ADAMTS17: variants seen among roughly 807,000 people sequenced by gnomAD.
The protein encoded by ADAMTS17 is ADAM metallopeptidase with thrombospondin type 1 motif 17, also known as A disintegrin and metalloproteinase with thrombospondin motifs 17.
In ADAMTS17, 113 loss-of-function variants were observed where a neutral mutation model predicts 141.5. The ratio of observed to expected loss-of-function variants is 0.80; its 90% CI spans 0.69 to 0.93. The LOEUF (loss-of-function observed/expected upper bound fraction) is 0.93. ADAMTS17 is among the 40% of genes least tolerant of loss of function. The pLI, the probability that ADAMTS17 is intolerant of heterozygous loss-of-function variation, is 0.00. For synonymous variants in ADAMTS17, 768 were observed against 630.6 expected, an observed-to-expected ratio of 1.22 and a Z score of -3.27; for missense variants, 1,659 against 1,517.9, an observed-to-expected ratio of 1.09 and a Z score of -1.54.
intron 7 of ADAMTS17, among the ~76,000 whole-genome samples, chr15:100,206,980 T>C (rs1369473650): frequency 6.6e-6 from 1 of 152,192 alleles, no homozygotes; most frequent in Non-Finnish European, 1.5e-5. Context: ...GAGTAGGGGC[T>C]GGTAAGAGCA....
intron 7 of ADAMTS17, among the ~76,000 whole-genome samples, chr15:100,216,674 C>G (rs1400817047): frequency 6.6e-6 from 1 of 152,220 alleles, no homozygotes; most frequent in Non-Finnish European, 1.5e-5. Flanking sequence ...CTGACACAGT[C>G]TGCTGTCTAC....
intron 15 of ADAMTS17, among the ~76,000 whole-genome samples, chr15:100,073,524 T>C (rs533050990): frequency 0.04 from 6,056 of 151,480 alleles, 412 homozygotes; most frequent in African/African-American, 0.14. Context: ...AAATGTCCAA[T>C]AATGATAGAC....
At chr15:100,009,435 CAGA>C in intron 18 of ADAMTS17, among the ~76,000 whole-genome samples, 1 of 152,298 alleles carries the variant, frequency 6.6e-6, no homozygotes, top group South Asian at 2.1e-4. Context: ...CTCAAATTCT[CAGA>C]AGGACCTGGA....
At chr15:100,166,058 T>C (rs2039939710) in intron 8 of ADAMTS17, among the ~76,000 whole-genome samples, 1 of 152,244 alleles carries the variant, frequency 6.6e-6, no homozygotes, top group Non-Finnish European at 1.5e-5. Context: ...CTTGCCATCT[T>C]AGGACATAGG....
intron 10 of ADAMTS17, among the ~76,000 whole-genome samples, chr15:100,139,074 G>T (rs2038488882): frequency 6.6e-6 from 1 of 152,086 alleles, no homozygotes; most frequent in Non-Finnish European, 1.5e-5. Flanking sequence ...CAAAGACTGG[G>T]CATTAAAAAG....
intron 7 of ADAMTS17, among the ~76,000 whole-genome samples, chr15:100,214,389 A>C (rs948838968): frequency 2.0e-5 from 3 of 152,218 alleles, no homozygotes; most frequent in African/African-American, 7.2e-5. Flanking sequence ...TTGTATTATA[A>C]CATTAATATT....
intron 8 of ADAMTS17, among the ~76,000 whole-genome samples, chr15:100,166,976 T>C (rs2039974454): frequency 6.6e-6 from 1 of 152,254 alleles, no homozygotes; most frequent in Non-Finnish European, 1.5e-5. Flanking sequence ...AGGCCAGTGC[T>C]GTTCAATAAA....
chr15:100,098,247 G>A (rs572860766), intron 14 of ADAMTS17, among the ~76,000 whole-genome samples: 19 of 152,058 alleles, frequency 1.2e-4, no homozygotes, highest in African/African-American at 4.6e-4. Flanking sequence ...GTGACCTGGA[G>A]GGAAGCCAGC....
At chr15:100,271,237 C>A (rs1463563178) in intron 4 of ADAMTS17, among the ~76,000 whole-genome samples, 3 of 152,168 alleles carry the variant, frequency 2.0e-5, no homozygotes, top group African/African-American at 7.2e-5. Flanking sequence ...CTTGTCCCTG[C>A]TTTGGGATAA....
intron 3 of ADAMTS17, among the ~76,000 whole-genome samples, chr15:100,315,905 T>C (rs1239294372): frequency 1.3e-5 from 2 of 152,126 alleles, no homozygotes; most frequent in African/African-American, 4.8e-5. Flanking sequence ...GCAGAGGGTG[T>C]CCCTCCAAGG....
intron 4 of ADAMTS17, among the ~76,000 whole-genome samples, chr15:100,278,069 C>A (rs2044158013): frequency 6.6e-6 from 1 of 152,034 alleles, no homozygotes; most frequent in South Asian, 2.1e-4. Context: ...CATGATTCCA[C>A]TTATATGAGG....
At chr15:100,245,464 G>T (rs1468363225) in intron 7 of ADAMTS17, among the ~76,000 whole-genome samples, 2 of 152,174 alleles carry the variant, frequency 1.3e-5, no homozygotes, top group Non-Finnish European at 2.9e-5. Flanking sequence ...GTGTTTTGTT[G>T]GTCTCTGTCT....
intron 8 of ADAMTS17, 37 bp from the exon 9 acceptor site, chr15:100,155,357 C>T (rs749731863): frequency 1.2e-5 from 20 of 1,601,334 alleles, no homozygotes; most frequent in African/African-American, 2.7e-5. Context: ...GCTTATGCTA[C>T]AAGCTTCTCA....
intron 8 of ADAMTS17, among the ~76,000 whole-genome samples, chr15:100,179,879 A>T (rs548681484): frequency 6.0e-4 from 92 of 152,128 alleles, no homozygotes; most frequent in Admixed American, 1.5e-3. Context: ...AGATTATAAG[A>T]TTTTTTCCTA....
chr15:100,034,997 C>A (rs1281241528), intron 18 of ADAMTS17, among the ~76,000 whole-genome samples: 1 of 152,162 alleles, frequency 6.6e-6, no homozygotes, highest in Non-Finnish European at 1.5e-5. Flanking sequence ...AAAAGGAGAA[C>A]CTGCCTGTCT....
Position 100,116,958 on chromosome 15 carries a change from C to T in ADAMTS17, c.1777G>A (p.Glu593Lys), listed in dbSNP as rs202233487. The change falls in exon 13 of 22, where the codon GAG becomes AAG. Residue 593 changes from glutamate (E) to lysine (K), a missense_variant. Transcript: ENST00000268070. ...PGASVEHAVC[E>K]NLPCPKGLPS... ...AGACCCTTGGGGCAGGGCAGGTTCT[C>T]GCAGACCGCATGTTCTACACTGGCA... 88 of 1,613,932 alleles carry T rather than the reference C, an allele frequency of 5.5e-5. No individual in the cohort carries two copies. The East Asian group carries it at 7.4e-4, about 13-fold the overall frequency.
rs564334207 is a variant in ADAMTS17, at chr15:100,051,840, C to T, written c.2296-109G>A. 178 of 1,395,408 alleles carry T rather than the reference C, an allele frequency of 1.3e-4. No homozygotes were observed. In the Middle Eastern group the frequency reaches 3.8e-3, roughly 30 times the overall value. 86.4% of individuals were successfully genotyped at this position (1,395,408 alleles called of 1,614,324 possible). ...GCGGCTGTTTCTTTATGAGGGGTAA[C>T]CAGCTCTTTTCTGGGGCTGAAAACA... On this transcript the variant is annotated intron_variant, in intron 16 of 21. Transcript: ENST00000268070.
At chr15:100,033,487 G>A (rs1403033058) in intron 18 of ADAMTS17, among the ~76,000 whole-genome samples, 1 of 152,166 alleles carries the variant, frequency 6.6e-6, no homozygotes, top group Non-Finnish European at 1.5e-5. Flanking sequence ...GGGTTGGACA[G>A]TCTTCATTTC....
chr15:100,341,006 G>A, intron 2 of ADAMTS17, 33 bp downstream of exon 2: 1 of 1,518,814 alleles, frequency 6.6e-7, no homozygotes, highest in Non-Finnish European at 8.8e-7. Context: ...CAACAGACCG[G>A]ACGGGCCGAC....
Sources: allele counts gnomAD v4.1 joint callset (sites outside exome capture counted in the v4.1 genomes callset), GRCh38; gene constraint gnomAD v4.1.1; transcripts MANE v1.5; gene names NCBI Gene and HGNC (gene_info 2026-07-23, HGNC 2026-07-21).